XYLT1: variants seen among roughly 807,000 people sequenced by gnomAD.
XYLT1 encodes beta-D-xylosyltransferase 1.
Under a neutral mutation model 91.3 loss-of-function variants are expected in XYLT1, and 36 were observed. The ratio of observed to expected loss-of-function variants is 0.39; its 90% CI spans 0.30 to 0.52. XYLT1 has a LOEUF of 0.52. Ranked by LOEUF, XYLT1 falls within the 20% of genes least tolerant of loss-of-function variation. The pLI is 0.68. For missense variants in XYLT1, 1,242 were observed against 1,284.5 expected, an observed-to-expected ratio of 0.97 and a Z score of 0.51; for synonymous variants, 588 against 532.0, an observed-to-expected ratio of 1.11 and a Z score of -1.45.
chr16:17,335,562 C>T (rs1256296783), intron 2 of XYLT1, among the ~76,000 whole-genome samples: 9 of 151,752 alleles, frequency 5.9e-5, no homozygotes, highest in Admixed American at 2.0e-4. Context: ...TGGTGGCGGG[C>T]GCCTGTAATC....
At chr16:17,176,849 T>A (rs1229442060) in intron 5 of XYLT1, among the ~76,000 whole-genome samples, 1 of 144,652 alleles carries the variant, frequency 6.9e-6, no homozygotes, top group Non-Finnish European at 1.5e-5. Context: ...TTTTTTTTTT[T>A]AACTTTCTTT....
intron 2 of XYLT1, among the ~76,000 whole-genome samples, chr16:17,289,329 GC>G (rs2034188099): frequency 6.6e-6 from 1 of 152,060 alleles, no homozygotes; most frequent in Non-Finnish European, 1.5e-5. Context: ...CACCATTTGT[GC>G]CAGCTTTTTT....
rs1238387218 is a variant in XYLT1, at chr16:17,408,759, T to C, written c.364-50709A>G. On this transcript the variant is annotated intron_variant, in intron 1 of 11. Coordinates refer to ENST00000261381, the MANE Select transcript of XYLT1 (RefSeq NM_022166.4). ...TACTCAGGAGGCTGAGGCAGGAGAA[T>C]CGCTTGAACCCAGAAGGCTGAGGTT... 5.3e-5 allele frequency among the ~76,000 whole-genome samples: 8 copies of C among 152,188 alleles called. No homozygotes were observed. The South Asian group carries it at 1.7e-3, about 32-fold the overall frequency.
At chr16:17,130,534 G>A (rs758265706) in intron 9 of XYLT1, among the ~76,000 whole-genome samples, 1 of 152,018 alleles carries the variant, frequency 6.6e-6, no homozygotes, top group African/African-American at 2.4e-5. Context: ...GTGCAGTGTC[G>A]TGAAACTGGC....
chr16:17,249,839 T>C (rs2033508658), intron 3 of XYLT1: 1 of 151,782 alleles, frequency 6.6e-6, no homozygotes, highest in Admixed American at 6.6e-5. Context: ...TGGCTAACTT[T>C]TGTTTTGTTT....
intron 1 of XYLT1, among the ~76,000 whole-genome samples, chr16:17,415,460 C>T (rs367820591): frequency 8.1e-4 from 124 of 152,262 alleles, no homozygotes; most frequent in African/African-American, 2.5e-3. Context: ...GAGGCCGAGG[C>T]GGGCGGATTG....
At chr16:17,453,130 A>C (rs1379213669) in intron 1 of XYLT1, among the ~76,000 whole-genome samples, 1 of 152,208 alleles carries the variant, frequency 6.6e-6, no homozygotes, top group Non-Finnish European at 1.5e-5. Flanking sequence ...GTCACATAGA[A>C]AGGATTTTAG....
chr16:17,282,645 G>A (rs916674976), intron 2 of XYLT1, among the ~76,000 whole-genome samples: 1 of 152,222 alleles, frequency 6.6e-6, no homozygotes, highest in East Asian at 1.9e-4. Flanking sequence ...AAGGAGAGAA[G>A]GAGCTGGGTC....
At chr16:17,184,350 G>A (rs2032137016) in intron 5 of XYLT1, among the ~76,000 whole-genome samples, 1 of 152,052 alleles carries the variant, frequency 6.6e-6, no homozygotes. Flanking sequence ...AAAATACATT[G>A]CAAAATTCAT....
At position 17,470,539 on chromosome 16, in the gene XYLT1, TCCG is replaced by T. The variant is rs1260642517; in HGVS notation, c.255_257del (p.Gly90del). On this transcript the variant is annotated inframe_deletion, in exon 1 of 12. Transcript: ENST00000261381. The stretch of plus-strand genomic sequence containing the variant: ...CCTGGGGCCCCCGTCCTCCTCCTCC[TCCG>T]CCGCCGCCTCCTCCTCCTCCTCGGG... 8.2e-6 allele frequency: 10 copies of T among 1,220,068 alleles called. No individual in the cohort carries two copies. In the Admixed American group the frequency reaches 2.2e-4, roughly 26 times the overall value. The allele number at this position is 1,220,068 out of a possible 1,614,324, so 75.6% of individuals were successfully genotyped here.
chr16:17,177,448 A>G (rs1047846718), intron 5 of XYLT1, among the ~76,000 whole-genome samples: 1 of 152,164 alleles, frequency 6.6e-6, no homozygotes, highest in African/African-American at 2.4e-5. Flanking sequence ...AGATGTCATT[A>G]TTTGATGGCT....
At chr16:17,301,184 G>T (rs960856266) in intron 2 of XYLT1, among the ~76,000 whole-genome samples, 19 of 152,280 alleles carry the variant, frequency 1.2e-4, no homozygotes, top group South Asian at 4.1e-4. Flanking sequence ...GCTGAGGCGG[G>T]TGGATTAGTT....
intron 2 of XYLT1, among the ~76,000 whole-genome samples, chr16:17,308,464 C>T (rs545082041): frequency 2.4e-4 from 36 of 152,322 alleles, no homozygotes; most frequent in African/African-American, 8.4e-4. Context: ...AACCTTTCCT[C>T]TCCTCACCCA....
intron 5 of XYLT1, among the ~76,000 whole-genome samples, chr16:17,170,226 C>G (rs1044441062): frequency 2.0e-5 from 3 of 152,206 alleles, no homozygotes; most frequent in African/African-American, 4.8e-5. Context: ...GGCATGTCCA[C>G]CCCTTGCTAG....
chr16:17,221,395 G>T, intron 3 of XYLT1, among the ~76,000 whole-genome samples: 1 of 152,202 alleles, frequency 6.6e-6, no homozygotes, highest in South Asian at 2.1e-4. Context: ...AATTTTTCCA[G>T]TTCATCGTCT....
At chr16:17,235,951 C>T (rs1475283023) in intron 3 of XYLT1, among the ~76,000 whole-genome samples, 2 of 152,188 alleles carry the variant, frequency 1.3e-5, no homozygotes, top group Non-Finnish European at 2.9e-5. Flanking sequence ...ATTGCAACTT[C>T]TATCTCCCGG....
At chr16:17,465,276 G>C (rs533200114) in intron 1 of XYLT1, among the ~76,000 whole-genome samples, 1 of 151,804 alleles carries the variant, frequency 6.6e-6, no homozygotes, top group African/African-American at 2.4e-5. Flanking sequence ...GCCTGGGTTT[G>C]GATCTCAGTT....
At chr16:17,339,938 CATCT>C (rs1255222696) in intron 2 of XYLT1, among the ~76,000 whole-genome samples, 2 of 151,926 alleles carry the variant, frequency 1.3e-5, no homozygotes, top group Non-Finnish European at 2.9e-5. Context: ...CTCCATCCAT[CATCT>C]ATCCCTCCAT....
chr16:17,266,141 C>T (rs1476440720), intron 2 of XYLT1, among the ~76,000 whole-genome samples: 1 of 152,182 alleles, frequency 6.6e-6, no homozygotes, highest in Non-Finnish European at 1.5e-5. Context: ...TCGTCTATAG[C>T]AGCACACTGA....
Sources: allele counts gnomAD v4.1 joint callset (sites outside exome capture counted in the v4.1 genomes callset), GRCh38; gene constraint gnomAD v4.1.1; transcripts MANE v1.5; gene names NCBI Gene and HGNC (gene_info 2026-07-23, HGNC 2026-07-21).